The following UNC5C variants were observed in gnomAD, a reference collection of about 807,000 sequenced individuals.
The protein encoded by UNC5C is unc-5 netrin receptor C.
In UNC5C, 47 loss-of-function variants were observed where a neutral mutation model predicts 99.8. The observed-to-expected ratio is 0.47, with a 90% CI of 0.37 to 0.60. UNC5C has a LOEUF of 0.60. Ranked by LOEUF, UNC5C falls within the 20% of genes least tolerant of loss-of-function variation. The pLI, the probability that UNC5C is intolerant of heterozygous loss-of-function variation, is 0.00. For synonymous variants in UNC5C, 487 were observed against 452.2 expected (o/e 1.08, Z -0.98); for missense variants, 1,062 against 1,165.9 (o/e 0.91, Z 1.30).
intron 7 of UNC5C, among the ~76,000 whole-genome samples, chr4:95,241,295 G>A (rs548783968): frequency 4.6e-5 from 7 of 152,250 alleles, no homozygotes; most frequent in East Asian, 3.9e-4. Flanking sequence ...GCAGCAGCCC[G>A]TTCTTGGGGA....
intron 1 of UNC5C, among the ~76,000 whole-genome samples, chr4:95,432,689 A>T (rs1483699229): frequency 6.6e-6 from 1 of 152,116 alleles, no homozygotes; most frequent in Non-Finnish European, 1.5e-5. Flanking sequence ...TGATTTACTG[A>T]TTTAATAAAG....
At chr4:95,267,949 A>ATT (rs869293955) in intron 4 of UNC5C, among the ~76,000 whole-genome samples, 1,423 of 117,532 alleles carry the variant, frequency 0.012, 103 homozygotes, top group African/African-American at 0.042. Context: ...GAATTTTGTG[A>ATT]TTTTTTTTTT....
At chr4:95,530,047 T>C (rs1722602689) in intron 1 of UNC5C, among the ~76,000 whole-genome samples, 1 of 152,214 alleles carries the variant, frequency 6.6e-6, no homozygotes, top group African/African-American at 2.4e-5. Context: ...CTATCTTAAG[T>C]GTAATGCATC....
intron 2 of UNC5C, among the ~76,000 whole-genome samples, chr4:95,326,210 G>T (rs1307641594): frequency 6.6e-6 from 1 of 151,998 alleles, no homozygotes; most frequent in Non-Finnish European, 1.5e-5. Context: ...ATAAGGCCTG[G>T]AACTTTTATT....
intron 1 of UNC5C, among the ~76,000 whole-genome samples, chr4:95,396,281 C>G (rs1428808556): frequency 6.6e-6 from 1 of 152,138 alleles, no homozygotes; most frequent in Non-Finnish European, 1.5e-5. Flanking sequence ...ATTCCAACCC[C>G]CTGGATTTCC....
At chr4:95,390,700 T>G (rs2149444937) in intron 1 of UNC5C, among the ~76,000 whole-genome samples, 1 of 152,322 alleles carries the variant, frequency 6.6e-6, no homozygotes, top group Admixed American at 6.5e-5. Context: ...ATAGCACCAC[T>G]TCCACTTATT....
chr4:95,415,549 T>G (rs376552215), intron 1 of UNC5C, among the ~76,000 whole-genome samples: 4 of 152,118 alleles, frequency 2.6e-5, no homozygotes, highest in African/African-American at 9.7e-5. Context: ...TTGAGGGTTG[T>G]TTATGTGCCA....
intron 1 of UNC5C, among the ~76,000 whole-genome samples, chr4:95,480,233 T>G (rs1026540753): frequency 6.7e-6 from 1 of 148,798 alleles, no homozygotes; most frequent in South Asian, 2.1e-4. Flanking sequence ...ATATATACAT[T>G]CATAATGTAT....
intron 12 of UNC5C, among the ~76,000 whole-genome samples, chr4:95,198,945 C>G (rs1737542508): frequency 6.6e-6 from 1 of 151,918 alleles, no homozygotes; most frequent in Admixed American, 6.6e-5. Flanking sequence ...ATAGAATAAC[C>G]CAGGGAGTAT....
intron 4 of UNC5C, among the ~76,000 whole-genome samples, chr4:95,262,475 A>C (rs1435635866): frequency 6.6e-6 from 1 of 152,234 alleles, no homozygotes; most frequent in Non-Finnish European, 1.5e-5. Flanking sequence ...TCATTTCAGC[A>C]GTAGCATTCA....
chr4:95,329,112 C>A (rs1019287102), intron 2 of UNC5C, among the ~76,000 whole-genome samples: 1 of 151,988 alleles, frequency 6.6e-6, no homozygotes, highest in South Asian at 2.1e-4. Flanking sequence ...GGCAACATAG[C>A]AAGACCCCAT....
intron 1 of UNC5C, among the ~76,000 whole-genome samples, chr4:95,522,442 G>A (rs942885727): frequency 3.3e-5 from 5 of 151,934 alleles, no homozygotes; most frequent in African/African-American, 1.2e-4. Context: ...GAGACATGAG[G>A]GAGAGAGAGA....
chr4:95,260,116 A>G (rs895896457), intron 4 of UNC5C, among the ~76,000 whole-genome samples: 3 of 152,132 alleles, frequency 2.0e-5, no homozygotes, highest in Non-Finnish European at 4.4e-5. Flanking sequence ...ACTGTCCCCC[A>G]TCTTTTTCCT....
intron 1 of UNC5C, among the ~76,000 whole-genome samples, chr4:95,387,551 G>A (rs1745246964): frequency 6.6e-6 from 1 of 152,136 alleles, no homozygotes; most frequent in African/African-American, 2.4e-5. Flanking sequence ...CTTTTAAAAT[G>A]TAATAAGGGC....
intron 1 of UNC5C, among the ~76,000 whole-genome samples, chr4:95,486,098 C>A (rs1187564658): frequency 2.0e-5 from 3 of 151,640 alleles, no homozygotes; most frequent in African/African-American, 7.3e-5. Context: ...GATTAAAAAA[C>A]CAGGCTTATC....
intron 12 of UNC5C, among the ~76,000 whole-genome samples, chr4:95,201,772 T>G (rs953491526): frequency 2.7e-5 from 4 of 148,282 alleles, no homozygotes; most frequent in Admixed American, 6.7e-5. Flanking sequence ...CCCGGCTAAT[T>G]TTTTTGTATT....
At chr4:95,172,900 T>A (rs1388166791) in intron 14 of UNC5C, among the ~76,000 whole-genome samples, 4 of 152,156 alleles carry the variant, frequency 2.6e-5, no homozygotes, top group Admixed American at 1.3e-4. Context: ...TTTGTTTGTA[T>A]CCTCTTTTAT....
At chr4:95,242,144 C>A (rs985814777) in intron 7 of UNC5C, among the ~76,000 whole-genome samples, 2 of 152,110 alleles carry the variant, frequency 1.3e-5, no homozygotes, top group African/African-American at 4.8e-5. Context: ...TTTGTGCTTT[C>A]TGATAAAACT....
chr4:95,417,732 T>C (rs1055218521), intron 1 of UNC5C, among the ~76,000 whole-genome samples: 1 of 152,168 alleles, frequency 6.6e-6, no homozygotes, highest in African/African-American at 2.4e-5. Flanking sequence ...TGTGCACACA[T>C]AGGACTGCGT....
Sources: allele counts gnomAD v4.1 joint callset (sites outside exome capture counted in the v4.1 genomes callset), GRCh38; gene constraint gnomAD v4.1.1; transcripts MANE v1.5; gene names NCBI Gene and HGNC (gene_info 2026-07-23, HGNC 2026-07-21).